Variants in FAM120C observed in about 807,000 individuals in gnomAD.
FAM120C encodes family with sequence similarity 120 member C, also known as constitutive coactivator of PPAR-gamma-like protein 2.
Under a neutral mutation model 71.2 loss-of-function variants are expected in FAM120C, and 14 were observed. The observed-to-expected ratio is 0.20, with a 90% CI of 0.13 to 0.31. FAM120C has a LOEUF of 0.31. Among genes scored for constraint, FAM120C ranks in the 10% least tolerant of loss-of-function variants. FAM120C has a pLI of 1.00. For missense variants in FAM120C, 500 were observed against 879.0 expected, an observed-to-expected ratio of 0.57 and a Z score of 5.45; for synonymous variants, 354 against 353.2, an observed-to-expected ratio of 1.00 and a Z score of -0.03.
chrX:54,140,939 C>CA (rs781968438), intron 4 of FAM120C, among the ~76,000 whole-genome samples: 428 of 38,812 alleles, frequency 0.011, 2 homozygotes, highest in South Asian at 0.067. Context: ...GACTCCGTCT[C>CA]AAAAAAAAAA....
Position 54,141,987 on chromosome X carries a change from T to C in FAM120C, c.1159-5397A>G, listed in dbSNP as rs181865333. ...GACCTAAATAAATAGGCAAATAATA[T>C]TCATGGATTCAAAGGCTCACCAAAT... On this transcript the variant is annotated intron_variant, in intron 4 of 15. Coordinates refer to ENST00000375180, the MANE Select transcript of FAM120C (RefSeq NM_017848.6). Among the ~76,000 whole-genome samples, 355 of 111,875 alleles carry C rather than the reference T, an allele frequency of 3.2e-3. 1 individual carries two copies. Among genetic ancestry groups the C allele is most frequent in the Non-Finnish European group, 5.4e-3 (285 of 53,177 alleles).
At chrX:54,111,855 C>T (rs1355490062) in intron 10 of FAM120C, among the ~76,000 whole-genome samples, 2 of 111,478 alleles carry the variant, frequency 1.8e-5, no homozygotes, top group Non-Finnish European at 3.8e-5. Context: ...AGAACAAAGC[C>T]GGAGGCGTCA....
At chrX:54,154,191 A>C (rs893510830) in intron 3 of FAM120C, among the ~76,000 whole-genome samples, 1 of 108,946 alleles carries the variant, frequency 9.2e-6, no homozygotes, top group African/African-American at 3.3e-5. Flanking sequence ...GCAGCAGTGC[A>C]AATGTTAAGA....
At chrX:54,126,197 T>G (rs956925184) in intron 9 of FAM120C, among the ~76,000 whole-genome samples, 5 of 112,175 alleles carry the variant, frequency 4.5e-5, no homozygotes, top group Non-Finnish European at 9.4e-5. Flanking sequence ...TGCCTTCTAT[T>G]TCATTTTCTT....
chrX:54,110,385 C>A (rs782289606), intron 10 of FAM120C, among the ~76,000 whole-genome samples: 1 of 109,551 alleles, frequency 9.1e-6, no homozygotes, highest in East Asian at 2.9e-4. Flanking sequence ...CTGGACAGAA[C>A]CAAAATAAAT....
intron 2 of FAM120C, 55 bp downstream of exon 2, chrX:54,159,315 T>TA (rs2067224940): frequency 8.4e-7 from 1 of 1,195,340 alleles, no homozygotes; most frequent in Non-Finnish European, 1.1e-6. Flanking sequence ...CCTCATCTCT[T>TA]AACACCAGAA....
intron 1 of FAM120C, 96 bp downstream of exon 1, chrX:54,182,404 G>C (rs2067355200): frequency 5.9e-6 from 6 of 1,010,180 alleles, no homozygotes; most frequent in Non-Finnish European, 7.9e-6. Context: ...GGGTAGATGG[G>C]AGGTAGGGTA....
chrX:54,080,115 G>A, intron 15 of FAM120C, 117 bp downstream of exon 15: 5 of 569,809 alleles, frequency 8.8e-6, no homozygotes. Context: ...GCCTGGAGGA[G>A]TTGAGAAGCT....
chrX:54,101,875 GTCT>G (rs1170081560), intron 10 of FAM120C, among the ~76,000 whole-genome samples: 1 of 111,420 alleles, frequency 9.0e-6, no homozygotes, highest in East Asian at 2.8e-4. Context: ...ACTCTCCCTA[GTCT>G]TCTTGTGCTC....
chrX:54,123,487 A>G, intron 9 of FAM120C, among the ~76,000 whole-genome samples: 1 of 46,089 alleles, frequency 2.2e-5, no homozygotes. Context: ...CATTGCTGAT[A>G]CCCTTTCTTC....
chrX:54,180,236 A>G (rs782185878), intron 1 of FAM120C, among the ~76,000 whole-genome samples: 9 of 112,225 alleles, frequency 8.0e-5, no homozygotes, highest in Non-Finnish European at 1.3e-4. Flanking sequence ...AGAGCTCATA[A>G]CTGGCTATTC....
chrX:54,070,471 T>C lies in FAM120C; in HGVS notation c.*2562A>G, dbSNP rs1296803102. 8.9e-6 allele frequency: 1 copy of C among 112,298 alleles called. No individual in the cohort carries two copies. The highest frequency in any genetic ancestry group is 1.9e-5 in the Non-Finnish European group (1 of 53,296). The allele number at this position is 112,298 out of a possible 1,213,427, so 9.3% of individuals were successfully genotyped here. ...CAGATAGATTCAAGATGCACAGAAATAGCAACTGCAAAAAATATCTTAGCA... is the reference window on the plus strand; with the variant it reads ...CAGATAGATTCAAGATGCACAGAAACAGCAACTGCAAAAAATATCTTAGCA... On this transcript the variant is annotated 3_prime_UTR_variant, in exon 16 of 16. Transcript: ENST00000375180.
chrX:54,133,922 T>C lies in FAM120C; in HGVS notation c.1741A>G (p.Ile581Val). The change falls in exon 8 of 16, where the codon ATC (isoleucine) becomes GTC (valine). Residue 581 changes from isoleucine (I) to valine (V), a missense_variant. By Grantham distance (29) the Ile-to-Val change is conservative (BLOSUM62 3). This residue lies in a region of FAM120C where 104 missense variants were observed against 254.5 expected (regional missense o/e 0.41). Coordinates refer to ENST00000375180, the MANE Select transcript of FAM120C (RefSeq NM_017848.6). ...GTAGACATAGACAGCAGAGATGGGA[T>C]GTGGGGCTCACCATCACCTAGGCTC... ...EASLGDGEPH[I>V]PSLLSMSTRN... 1 of 1,211,677 alleles carries C rather than the reference T, an allele frequency of 8.3e-7. No individual in the cohort carries two copies. The highest frequency in any genetic ancestry group is 1.8e-5 in the South Asian group (1 of 56,974).
intron 10 of FAM120C, among the ~76,000 whole-genome samples, chrX:54,097,724 T>TTTTA (rs1399727003): frequency 9.0e-5 from 10 of 111,479 alleles, no homozygotes; most frequent in African/African-American, 3.2e-4. Flanking sequence ...CTTTATTTAT[T>TTTTA]TTTATTTATT....
At chrX:54,108,464 T>C (rs1183678482) in intron 10 of FAM120C, among the ~76,000 whole-genome samples, 1 of 110,639 alleles carries the variant, frequency 9.0e-6, no homozygotes, top group Non-Finnish European at 1.9e-5. Flanking sequence ...GCTCCTAAGG[T>C]GCAAGGATAA....
At chrX:54,079,857 G>A (rs938305507) in intron 15 of FAM120C, among the ~76,000 whole-genome samples, 5 of 111,541 alleles carry the variant, frequency 4.5e-5, no homozygotes, top group African/African-American at 1.6e-4. Context: ...AGGCAAAGAA[G>A]TCCAATTTTT....
chrX:54,102,014 T>A (rs2066884759), intron 10 of FAM120C, among the ~76,000 whole-genome samples: 2 of 110,657 alleles, frequency 1.8e-5, no homozygotes, highest in Admixed American at 1.9e-4. Flanking sequence ...ACAGCCACAC[T>A]TCTCAGTAAC....
rs1330097172 is a variant in FAM120C, at chrX:54,070,467, GA to G, written c.*2565del. 1 of 112,378 alleles carries G rather than the reference GA, an allele frequency of 8.9e-6. No homozygotes were observed. The highest frequency in any genetic ancestry group is 1.9e-5 in the Non-Finnish European group (1 of 53,315). 9.3% of individuals were successfully genotyped at this position (112,378 alleles called of 1,213,427 possible). On this transcript the variant is annotated 3_prime_UTR_variant, in exon 16 of 16. Transcript: ENST00000375180. ...GTGTCAGATAGATTCAAGATGCACA[GA>G]AATAGCAACTGCAAAAAATATCTTA... is the stretch of plus-strand genomic sequence containing the variant.
chrX:54,086,900 C>T lies in FAM120C; in HGVS notation c.2637+855G>A, dbSNP rs144410898. Among the ~76,000 whole-genome samples the T allele has an allele frequency of 1.8e-4, 20 of 110,341 alleles. No homozygotes were observed. In the East Asian group the frequency reaches 5.1e-3, roughly 28 times the overall value. ...AGATGGTTTGTAGCACTATGGATAG[C>T]GCAAAAAACTATGGATAGTGACAAA... On this transcript the variant is annotated intron_variant, in intron 12 of 15. Coordinates refer to ENST00000375180, the MANE Select transcript of FAM120C (RefSeq NM_017848.6).
Sources: allele counts gnomAD v4.1 joint callset (sites outside exome capture counted in the v4.1 genomes callset), GRCh38; gene constraint gnomAD v4.1.1; regional missense constraint gnomAD v4.1.1; transcripts MANE v1.5; gene names NCBI Gene and HGNC (gene_info 2026-07-23, HGNC 2026-07-21).